NBEA: variants seen among roughly 807,000 people sequenced by gnomAD.
NBEA encodes the protein lysosomal-trafficking regulator 2.
NBEA carries 44 observed loss-of-function variants against 343.4 expected under a neutral mutation model. The observed-to-expected ratio is 0.13, with a 90% CI of 0.10 to 0.16. The LOEUF (loss-of-function observed/expected upper bound fraction) is 0.16, where lower values mean the gene tolerates loss of function less well. NBEA is among the 10% of genes least tolerant of loss of function. The pLI, the probability that NBEA is intolerant of heterozygous loss-of-function variation, is 1.00. For synonymous variants in NBEA, 1,175 were observed against 1,238.7 expected (o/e 0.95, Z 1.08); for missense variants, 2,555 against 3,631.3 (o/e 0.70, Z 7.62).
At chr13:34,958,925 A>G (rs1316330967) in intron 1 of NBEA, among the ~76,000 whole-genome samples, 4 of 152,144 alleles carry the variant, frequency 2.6e-5, no homozygotes, top group African/African-American at 4.8e-5. Flanking sequence ...CTGTTTTGGT[A>G]GCAGCACTAT....
intron 31 of NBEA, among the ~76,000 whole-genome samples, chr13:35,203,978 T>C (rs1168466084): frequency 1.1e-4 from 17 of 152,102 alleles, no homozygotes; most frequent in Admixed American, 1.0e-3. Context: ...GTAAGGAATA[T>C]GTAGAATAGA....
At position 35,334,435 on chromosome 13, in the gene NBEA, AAT is replaced by A. The variant is rs375920899; in HGVS notation, c.5904-14672_5904-14671del. Among the ~76,000 whole-genome samples the A allele has an allele frequency of 4.6e-5, 7 of 152,068 alleles. No individual in the cohort carries two copies. The East Asian group carries it at 1.4e-3, about 30-fold the overall frequency. ...CAGGTGCCCACTACCACGCCCAGCT[AAT>A]GTTTGTATTTTTAATAGAGATGGGG... is the stretch of plus-strand genomic sequence containing the variant. On this transcript the variant is annotated intron_variant, in intron 36 of 58. Coordinates refer to ENST00000379939, the MANE Select transcript of NBEA (RefSeq NM_001385012.1).
At chr13:35,416,327 G>C (rs1272478725) in intron 38 of NBEA, among the ~76,000 whole-genome samples, 1 of 152,078 alleles carries the variant, frequency 6.6e-6, no homozygotes. Flanking sequence ...TTCAAAGGAA[G>C]TGCTTCCAGT....
chr13:35,259,188 G>T (rs920075263), intron 34 of NBEA, among the ~76,000 whole-genome samples: 2 of 152,058 alleles, frequency 1.3e-5, no homozygotes, highest in Non-Finnish European at 2.9e-5. Context: ...ACCTGTTCTT[G>T]AAACCTTTGT....
chr13:34,993,578 G>T (rs2060835823), intron 1 of NBEA, among the ~76,000 whole-genome samples: 1 of 152,126 alleles, frequency 6.6e-6, no homozygotes, highest in Non-Finnish European at 1.5e-5. Flanking sequence ...ATCCCTACCA[G>T]TTCCTATTTC....
intron 49 of NBEA, among the ~76,000 whole-genome samples, chr13:35,640,421 C>T (rs2083890791): frequency 6.6e-6 from 1 of 152,204 alleles, no homozygotes; most frequent in Non-Finnish European, 1.5e-5. Context: ...CTTTCTCTGG[C>T]TCTCCAGGTA....
chr13:35,019,499 A>AT (rs2061763205), intron 1 of NBEA, among the ~76,000 whole-genome samples: 1 of 151,892 alleles, frequency 6.6e-6, no homozygotes, highest in African/African-American at 2.4e-5. Flanking sequence ...GGGTCTCACC[A>AT]TGTTGGCCAG....
intron 33 of NBEA, among the ~76,000 whole-genome samples, chr13:35,220,192 A>G (rs2152760728): frequency 6.6e-6 from 1 of 152,306 alleles, no homozygotes; most frequent in East Asian, 1.9e-4. Context: ...ATACATGTAC[A>G]TATGTATGCA....
chr13:35,388,184 A>G (rs537388682), intron 38 of NBEA, among the ~76,000 whole-genome samples: 1 of 152,250 alleles, frequency 6.6e-6, no homozygotes, highest in African/African-American at 2.4e-5. Flanking sequence ...AAAAGAGAAA[A>G]GAGAGATGGC....
chr13:35,027,568 C>G (rs1313681677), intron 1 of NBEA, among the ~76,000 whole-genome samples: 2 of 151,962 alleles, frequency 1.3e-5, no homozygotes, highest in Non-Finnish European at 1.5e-5. Flanking sequence ...ATTTCTGTTA[C>G]ATTCTAGATG....
In NBEA at chr13:35,477,669, A is replaced by G. The variant is rs1220099543; in HGVS notation, c.6585+5133A>G. 3.9e-5 allele frequency among the ~76,000 whole-genome samples: 6 copies of G among 152,294 alleles called. No homozygotes were observed. In the East Asian group the frequency reaches 9.7e-4, roughly 25 times the overall value. On this transcript the variant is annotated intron_variant, in intron 41 of 58. Coordinates refer to ENST00000379939, the MANE Select transcript of NBEA (RefSeq NM_001385012.1). ...TTTACAGATGTATAATTAAGGATAT[A>G]TCTCCTGTCTTAAGTGTCCTTAAGT...
At chr13:35,667,760 C>G (rs1593524035) in intron 57 of NBEA, among the ~76,000 whole-genome samples, 190 bp downstream of exon 57, 1 of 152,312 alleles carries the variant, frequency 6.6e-6, no homozygotes, top group Middle Eastern at 3.4e-3. Context: ...AAGTAATTAA[C>G]TCACTGCATT....
intron 41 of NBEA, among the ~76,000 whole-genome samples, chr13:35,532,059 G>C (rs1471569788): frequency 1.3e-5 from 2 of 152,196 alleles, no homozygotes; most frequent in Non-Finnish European, 2.9e-5. Flanking sequence ...ATAGAAAGTA[G>C]AGTAGGGATT....
intron 13 of NBEA, among the ~76,000 whole-genome samples, chr13:35,116,585 C>T (rs1358891411): frequency 2.0e-5 from 3 of 151,810 alleles, no homozygotes; most frequent in Non-Finnish European, 4.4e-5. Flanking sequence ...ATATAATAAT[C>T]TTCATGTAAA....
At chr13:35,120,757 T>TAGAC (rs755837739) in intron 16 of NBEA, among the ~76,000 whole-genome samples, 21 of 129,752 alleles carry the variant, frequency 1.6e-4, no homozygotes, top group Non-Finnish European at 2.7e-4. Context: ...AAGAAAGGAA[T>TAGAC]AGACAGCTAC....
chr13:35,339,820 A>G (rs2039481729), intron 36 of NBEA, among the ~76,000 whole-genome samples: 1 of 152,062 alleles, frequency 6.6e-6, no homozygotes, highest in Non-Finnish European at 1.5e-5. Context: ...CAGCAGCAAG[A>G]GGATATTTCT....
chr13:35,603,671 G>A (rs1049056475), intron 47 of NBEA, among the ~76,000 whole-genome samples: 1 of 152,196 alleles, frequency 6.6e-6, no homozygotes, highest in Non-Finnish European at 1.5e-5. Context: ...GGAAGCTTCT[G>A]TAGCCTCGTT....
intron 34 of NBEA, among the ~76,000 whole-genome samples, chr13:35,270,955 G>C (rs2034089878): frequency 6.6e-6 from 1 of 152,232 alleles, no homozygotes; most frequent in Admixed American, 6.5e-5. Flanking sequence ...AGCTACTGCA[G>C]ACTTAAACGT....
chr13:35,004,964 A>G (rs1469939753), intron 1 of NBEA, among the ~76,000 whole-genome samples: 1 of 152,174 alleles, frequency 6.6e-6, no homozygotes, highest in Non-Finnish European at 1.5e-5. Context: ...TTAATGTTTT[A>G]TGATGACAGT....
Sources: allele counts gnomAD v4.1 joint callset (sites outside exome capture counted in the v4.1 genomes callset), GRCh38; gene constraint gnomAD v4.1.1; transcripts MANE v1.5; gene names NCBI Gene and HGNC (gene_info 2026-07-23, HGNC 2026-07-21).